Variants in PPIG observed in about 807,000 individuals in gnomAD.
PPIG encodes peptidylprolyl isomerase G.
A neutral mutation model predicts 87.9 loss-of-function variants in PPIG; 26 were observed. The ratio of observed to expected loss-of-function variants is 0.30; its 90% CI spans 0.22 to 0.41. The LOEUF (loss-of-function observed/expected upper bound fraction) is 0.41. Ranked by LOEUF, PPIG falls within the 10% of genes least tolerant of loss-of-function variation. PPIG has a pLI of 1.00. For missense variants in PPIG, 722 were observed against 879.4 expected, an observed-to-expected ratio of 0.82 and a Z score of 2.26; for synonymous variants, 308 against 276.5, an observed-to-expected ratio of 1.11 and a Z score of -1.13.
chr2:169,614,040 T>C (rs980231471), intron 7 of PPIG, among the ~76,000 whole-genome samples: 4 of 152,260 alleles, frequency 2.6e-5, no homozygotes, highest in African/African-American at 9.6e-5. Flanking sequence ...CTTAACTGTT[T>C]AAAATGTTAA....
intron 9 of PPIG, 56 bp from the exon 10 acceptor site, chr2:169,630,718 C>A: frequency 7.0e-7 from 1 of 1,432,014 alleles, no homozygotes; most frequent in South Asian, 1.2e-5. Flanking sequence ...TTTAAATCTC[C>A]TTCCACAAAG....
At chr2:169,628,321 C>G (rs1685948606) in intron 9 of PPIG, among the ~76,000 whole-genome samples, 1 of 152,092 alleles carries the variant, frequency 6.6e-6, no homozygotes, top group Non-Finnish European at 1.5e-5. Context: ...TATCTTAGTT[C>G]AGTGAAGCCA....
At chr2:169,588,313 T>G (rs1049802871) in intron 1 of PPIG, among the ~76,000 whole-genome samples, 1 of 152,204 alleles carries the variant, frequency 6.6e-6, no homozygotes, top group African/African-American at 2.4e-5. Flanking sequence ...TGAATCATGG[T>G]TATATGGTGA....
chr2:169,589,999 C>T (rs552482787), intron 1 of PPIG, among the ~76,000 whole-genome samples: 22 of 152,034 alleles, frequency 1.4e-4, no homozygotes, highest in African/African-American at 5.1e-4. Context: ...ATCCCAGCTA[C>T]TCGGGAGGCT....
intron 9 of PPIG, among the ~76,000 whole-genome samples, chr2:169,621,289 T>TA (rs996329326): frequency 2.2e-4 from 34 of 152,068 alleles, no homozygotes; most frequent in Non-Finnish European, 4.3e-4. Context: ...AATGATTATT[T>TA]AAAAAAATTT....
At chr2:169,593,249 C>T (rs1049776298) in intron 1 of PPIG, among the ~76,000 whole-genome samples, 3 of 151,864 alleles carry the variant, frequency 2.0e-5, no homozygotes, top group Non-Finnish European at 4.4e-5. Flanking sequence ...GGGTGGAGTG[C>T]AATGGCACAA....
In PPIG at chr2:169,638,656, A is replaced by G. The variant is rs970716794; in HGVS notation, c.*1133A>G. ...AGGTGGTTTTATACCATTACTGTTAATGTTATTTTAACTTGGCATGTATAA... is the reference window on the plus strand; with the variant it reads ...AGGTGGTTTTATACCATTACTGTTAGTGTTATTTTAACTTGGCATGTATAA... On this transcript the variant is annotated 3_prime_UTR_variant, in exon 14 of 14. Transcript: ENST00000260970. 6.6e-6 allele frequency: 1 copy of G among 152,010 alleles called. No homozygotes were observed. Among genetic ancestry groups the G allele is most frequent in the African/African-American group, 2.4e-5 (1 of 41,412 alleles). The allele number at this position is 152,010 out of a possible 1,614,324, so 9.4% of individuals were successfully genotyped here.
chr2:169,630,239 T>A (rs1686007839), intron 9 of PPIG, among the ~76,000 whole-genome samples: 1 of 152,128 alleles, frequency 6.6e-6, no homozygotes, highest in Non-Finnish European at 1.5e-5. Flanking sequence ...AACATTCTAT[T>A]CATCATGGGC....
At chr2:169,626,711 T>A (rs1685896828) in intron 9 of PPIG, among the ~76,000 whole-genome samples, 1 of 150,484 alleles carries the variant, frequency 6.6e-6, no homozygotes, top group Non-Finnish European at 1.5e-5. Flanking sequence ...TCTTAGAGCT[T>A]TTTTATTTGT....
chr2:169,620,911 T>G, intron 9 of PPIG, among the ~76,000 whole-genome samples: 1 of 152,136 alleles, frequency 6.6e-6, no homozygotes, highest in East Asian at 1.9e-4. Flanking sequence ...TAGGGAATAA[T>G]AATATCAGTA....
intron 1 of PPIG, among the ~76,000 whole-genome samples, chr2:169,592,521 G>A (rs1481645676): frequency 6.6e-6 from 1 of 151,980 alleles, no homozygotes; most frequent in Admixed American, 6.6e-5. Context: ...AGCCAGGATG[G>A]TCTCAATCTC....
At chr2:169,592,578 A>G (rs888024377) in intron 1 of PPIG, among the ~76,000 whole-genome samples, 12 of 152,186 alleles carry the variant, frequency 7.9e-5, no homozygotes, top group Admixed American at 7.9e-4. Context: ...TGCTGGGATT[A>G]TAGGCGTGAG....
rs894501566 is a variant in PPIG, at chr2:169,633,552, A to T, written c.1017+305A>T. On this transcript the variant is annotated intron_variant, in intron 12 of 13. Coordinates refer to ENST00000260970, the MANE Select transcript of PPIG (RefSeq NM_004792.3). ...TTCTTGTTAAAAATAAATAAAAATT[A>T]ACCCTATTCTTGTATTTTATTCTTT... 5 of 450,040 alleles carry T rather than the reference A, an allele frequency of 1.1e-5. No homozygotes were observed. In the Admixed American group the frequency reaches 1.2e-4, roughly 11 times the overall value. The allele number at this position is 450,040 out of a possible 1,614,324, so 27.9% of individuals were successfully genotyped here. A position where few individuals can be genotyped will look rare whatever the true frequency, so the allele number is the denominator to read the frequency against.
At chr2:169,597,695 C>T (rs1015376666) in intron 1 of PPIG, among the ~76,000 whole-genome samples, 22 of 152,018 alleles carry the variant, frequency 1.4e-4, no homozygotes, top group Non-Finnish European at 2.6e-4. Context: ...GACATGGTTT[C>T]GCCATGTTGG....
chr2:169,599,911 A>G (rs1349298288), intron 1 of PPIG, among the ~76,000 whole-genome samples: 5 of 152,096 alleles, frequency 3.3e-5, no homozygotes, highest in Non-Finnish European at 2.9e-5. Flanking sequence ...CACATAGACA[A>G]ATAGAAATAA....
chr2:169,602,183 A>T (rs1302909844), intron 1 of PPIG, among the ~76,000 whole-genome samples: 3 of 151,944 alleles, frequency 2.0e-5, no homozygotes, highest in Admixed American at 6.6e-5. Context: ...ACTGTGTCCC[A>T]TCCCCAGGAT....
intron 9 of PPIG, among the ~76,000 whole-genome samples, chr2:169,630,544 C>G (rs988495673): frequency 6.6e-6 from 1 of 152,104 alleles, no homozygotes; most frequent in Admixed American, 6.5e-5. Context: ...TTTAGACTCA[C>G]CTATTTTTTA....
chr2:169,630,571 T>C (rs567971995), intron 9 of PPIG, among the ~76,000 whole-genome samples: 8 of 152,302 alleles, frequency 5.3e-5, no homozygotes, highest in South Asian at 2.1e-4. Flanking sequence ...TTTGGATTAA[T>C]AGATAAAACT....
chr2:169,630,778 G>T lies in PPIG; in HGVS notation c.552G>T (p.Lys184Asn). ...ACCTTTTTGTTTTTATTAAAGTTAA[G>T]AAAGAAGAAAAGAAAAGGCATAAAT... ...CGELIPKSKVKKEEKKRHKSS... is the reference protein window; with the variant it reads ...CGELIPKSKVNKEEKKRHKSS... Residue 184 changes from lysine to asparagine, a missense_variant, in exon 10 of 14, where the codon AAG (lysine) becomes AAT (asparagine). Transcript: ENST00000260970. 1 of 1,590,090 alleles carries T rather than the reference G, an allele frequency of 6.3e-7. No homozygotes were observed. The highest frequency in any genetic ancestry group is 1.2e-5 in the South Asian group (1 of 85,410).
Sources: allele counts gnomAD v4.1 joint callset (sites outside exome capture counted in the v4.1 genomes callset), GRCh38; gene constraint gnomAD v4.1.1; transcripts MANE v1.5; gene names NCBI Gene and HGNC (gene_info 2026-07-23, HGNC 2026-07-21).